The following SIPA1L3 variants were observed in gnomAD, a reference collection of about 807,000 sequenced individuals.
SIPA1L3 encodes signal induced proliferation associated 1 like 3.
Under a neutral mutation model 150.1 loss-of-function variants are expected in SIPA1L3, and 59 were observed. The observed-to-expected ratio is 0.39, with a 90% CI of 0.32 to 0.49. The LOEUF is 0.49. Ranked by LOEUF, SIPA1L3 falls within the 20% of genes least tolerant of loss-of-function variation. The pLI, the probability that SIPA1L3 is intolerant of heterozygous loss-of-function variation, is 0.86. For missense variants in SIPA1L3, 2,211 were observed against 2,489.5 expected (o/e 0.89, Z 2.38); for synonymous variants, 1,070 against 1,077.6 (o/e 0.99, Z 0.14).
At chr19:37,967,987 G>A (rs1274484952) in intron 1 of SIPA1L3, among the ~76,000 whole-genome samples, 1 of 151,592 alleles carries the variant, frequency 6.6e-6, no homozygotes. Flanking sequence ...TACAAGTAAA[G>A]CCTTTAGCTC....
chr19:38,125,532 T>TACCCCC (rs1568563873), intron 9 of SIPA1L3, among the ~76,000 whole-genome samples: 1 of 151,780 alleles, frequency 6.6e-6, no homozygotes, highest in East Asian at 1.9e-4. Context: ...TCCACAGCCA[T>TACCCCC]ACCCCCACCC....
At chr19:38,041,371 C>T (rs539844449) in intron 2 of SIPA1L3, among the ~76,000 whole-genome samples, 6 of 148,436 alleles carry the variant, frequency 4.0e-5, no homozygotes, top group East Asian at 2.0e-4. Context: ...CTCCGCCTCC[C>T]GGGTTCAAGC....
chr19:38,143,001 A>C (rs978082773), intron 12 of SIPA1L3, among the ~76,000 whole-genome samples: 2 of 152,040 alleles, frequency 1.3e-5, no homozygotes, highest in African/African-American at 4.8e-5. Context: ...CCATGCATCT[A>C]ACTCTCTCCA....
Position 38,122,081 on chromosome 19 carries a change from CGTG to C in SIPA1L3, c.2868+2204_2868+2206del, listed in dbSNP as rs757918209. ...ACTAAAAATACAAAAATTAGCCAGG[CGTG>C]GTGGCACACACCTGTAATCCCAGCT... On this transcript the variant is annotated intron_variant, in intron 9 of 21. Transcript: ENST00000222345. Among the ~76,000 whole-genome samples the C allele has an allele frequency of 2.6e-5, 4 of 151,962 alleles. No homozygotes were observed. In the South Asian group the frequency reaches 8.3e-4, roughly 32 times the overall value.
chr19:38,208,000 C>T lies in SIPA1L3; in HGVS notation c.*1760C>T, dbSNP rs1304635918. 6.7e-6 allele frequency: 1 copy of T among 148,810 alleles called. No individual in the cohort carries two copies. The highest frequency in any genetic ancestry group is 1.5e-5 in the Non-Finnish European group (1 of 66,852). 9.2% of individuals were successfully genotyped at this position (148,810 alleles called of 1,614,324 possible). A position where few individuals can be genotyped will look rare whatever the true frequency, so the allele number is the denominator to read the frequency against. On this transcript the variant is annotated 3_prime_UTR_variant, in exon 22 of 22. Coordinates refer to ENST00000222345, the MANE Select transcript of SIPA1L3 (RefSeq NM_015073.3). ...TTCTCTGGGGGGCCCACCCGTCCCC[C>T]ACCCCCACCCCTTAGACCCTCATCG...
intron 2 of SIPA1L3, among the ~76,000 whole-genome samples, chr19:38,061,149 A>T (rs1316756551): frequency 6.6e-6 from 1 of 152,162 alleles, no homozygotes; most frequent in Non-Finnish European, 1.5e-5. Flanking sequence ...TGCCTGGAAT[A>T]CAGGGAACTC....
chr19:37,990,961 G>A (rs1040051931), intron 1 of SIPA1L3, among the ~76,000 whole-genome samples: 2 of 152,178 alleles, frequency 1.3e-5, no homozygotes, highest in African/African-American at 2.4e-5. Context: ...GGCCAGGCAC[G>A]GTGGCTCACG....
In SIPA1L3 at chr19:38,081,502, TG is replaced by T. The variant is rs1340765618; in HGVS notation, c.-59del. Reference sequence around the variant, plus strand: ...GCTGCCCTGAACAATGGCTGAGGGCTGGGGGACCCCATAGAGTGACACCACA... The same window carrying T: ...GCTGCCCTGAACAATGGCTGAGGGCTGGGGACCCCATAGAGTGACACCACA... On this transcript the variant is annotated 5_prime_UTR_variant, in exon 3 of 22. The change abolishes the stop of an existing upstream ORF in the 5' untranslated region. Coordinates refer to ENST00000222345, the MANE Select transcript of SIPA1L3 (RefSeq NM_015073.3). The T allele has an allele frequency of 2.0e-6, 3 of 1,465,108 alleles. No individual in the cohort carries two copies. The highest frequency in any genetic ancestry group is 1.8e-6 in the Non-Finnish European group (2 of 1,089,294). 90.8% of individuals were successfully genotyped at this position (1,465,108 alleles called of 1,614,324 possible). A position where few individuals can be genotyped will look rare whatever the true frequency, so the allele number is the denominator to read the frequency against.
intron 10 of SIPA1L3, among the ~76,000 whole-genome samples, chr19:38,132,584 C>A (rs74329153): frequency 3.5e-3 from 375 of 108,022 alleles, no homozygotes; most frequent in Middle Eastern, 5.5e-3. Context: ...AGCTACGTCT[C>A]AAAAAAAAAA....
chr19:38,125,786 C>T (rs1035345702), intron 9 of SIPA1L3, among the ~76,000 whole-genome samples: 6 of 152,204 alleles, frequency 3.9e-5, no homozygotes, highest in African/African-American at 1.4e-4. Flanking sequence ...TGTTGTTATG[C>T]GCCTGGCCTT....
At chr19:38,106,235 T>C (rs1970620787) in intron 6 of SIPA1L3, 1 of 310,944 alleles carries the variant, frequency 3.2e-6, no homozygotes, top group Non-Finnish European at 6.1e-6. Flanking sequence ...GCCTCCCGAG[T>C]AGCTGGGACT....
At chr19:37,956,354 T>C (rs2046810538) in intron 1 of SIPA1L3, among the ~76,000 whole-genome samples, 1 of 152,214 alleles carries the variant, frequency 6.6e-6, no homozygotes, top group African/African-American at 2.4e-5. Context: ...TTTCTTAATC[T>C]TGTTATTTCA....
At chr19:38,142,791 C>A (rs1971622543) in intron 12 of SIPA1L3, 81 bp downstream of exon 12, 2 of 1,492,470 alleles carry the variant, frequency 1.3e-6, no homozygotes, top group Non-Finnish European at 1.8e-6. Flanking sequence ...TGCACACCCC[C>A]ACAATTCTAG....
chr19:38,066,247 C>A (rs1288992061), intron 2 of SIPA1L3, among the ~76,000 whole-genome samples: 1 of 151,938 alleles, frequency 6.6e-6, no homozygotes, highest in Non-Finnish European at 1.5e-5. Flanking sequence ...CGAACTACCA[C>A]CCTCAAGGGA....
At chr19:38,191,837 C>T (rs1972811346) in intron 16 of SIPA1L3, among the ~76,000 whole-genome samples, 1 of 152,158 alleles carries the variant, frequency 6.6e-6, no homozygotes, top group African/African-American at 2.4e-5. Flanking sequence ...CCTCTCCCCT[C>T]ACACAGGGGG....
chr19:38,138,405 A>G (rs1041740368), intron 10 of SIPA1L3, among the ~76,000 whole-genome samples: 4 of 152,188 alleles, frequency 2.6e-5, no homozygotes, highest in African/African-American at 9.7e-5. Flanking sequence ...AACAGAACAG[A>G]CTGAAACATG....
intron 10 of SIPA1L3, among the ~76,000 whole-genome samples, chr19:38,139,722 C>G (rs1423279138): frequency 1.3e-5 from 2 of 152,234 alleles, no homozygotes; most frequent in South Asian, 2.1e-4. Context: ...TATATGAGAT[C>G]GGATAATGGA....
chr19:37,931,552 G>A (rs2046553844), intron 1 of SIPA1L3, among the ~76,000 whole-genome samples: 1 of 151,844 alleles, frequency 6.6e-6, no homozygotes, highest in Non-Finnish European at 1.5e-5. Flanking sequence ...TTCAAGACCA[G>A]CGTGGCTAAC....
intron 1 of SIPA1L3, among the ~76,000 whole-genome samples, chr19:38,004,733 G>T (rs576186472): frequency 4.1e-4 from 63 of 152,300 alleles, no homozygotes; most frequent in Admixed American, 2.4e-3. Context: ...ACACTAGCAG[G>T]CTGGTTGCAA....
Sources: gnomAD v4.1 joint callset for allele counts (sites outside exome capture counted in the v4.1 genomes callset) on GRCh38, gnomAD v4.1.1 for gene constraint, MANE v1.5 for transcripts, NCBI Gene and HGNC (gene_info 2026-07-23, HGNC 2026-07-21) for gene names.